The following NKAIN2 variants were observed in gnomAD, a reference collection of about 807,000 sequenced individuals.
The protein encoded by NKAIN2 is sodium/potassium transporting ATPase interacting 2, also known as sodium/potassium-transporting ATPase subunit beta-1-interacting protein 2.
In NKAIN2, 14 loss-of-function variants were observed where a neutral mutation model predicts 32.6. That is an observed-to-expected ratio of 0.43 (90% CI 0.28 to 0.67). The LOEUF (loss-of-function observed/expected upper bound fraction) is 0.67, where lower values mean the gene tolerates loss of function less well. Ranked by LOEUF, NKAIN2 falls within the 30% of genes least tolerant of loss-of-function variation. The pLI, the probability that NKAIN2 is intolerant of heterozygous loss-of-function variation, is 0.17. For synonymous variants in NKAIN2, 80 were observed against 87.2 expected (o/e 0.92, Z 0.46); for missense variants, 198 against 258.3 (o/e 0.77, Z 1.60).
intron 1 of NKAIN2, among the ~76,000 whole-genome samples, chr6:123,993,874 A>G (rs953098877): frequency 1.3e-5 from 2 of 152,210 alleles, no homozygotes; most frequent in African/African-American, 4.8e-5. Context: ...TTTCCAATAG[A>G]ACCATGCTAC....
intron 1 of NKAIN2, among the ~76,000 whole-genome samples, chr6:124,220,667 G>T (rs1010459023): frequency 2.0e-5 from 3 of 151,288 alleles, no homozygotes; most frequent in Non-Finnish European, 2.9e-5. Context: ...TTGATAAATT[G>T]TTTTCTAATA....
intron 1 of NKAIN2, among the ~76,000 whole-genome samples, chr6:124,043,046 T>C (rs952598127): frequency 3.3e-5 from 5 of 152,086 alleles, no homozygotes; most frequent in African/African-American, 1.2e-4. Flanking sequence ...TGTTTTTCTC[T>C]TATTCCTAAT....
chr6:124,805,689 A>ATTC (rs764516602), intron 5 of NKAIN2, among the ~76,000 whole-genome samples: 2 of 151,532 alleles, frequency 1.3e-5, no homozygotes, highest in African/African-American at 2.4e-5. Context: ...TGATCAAACT[A>ATTC]CGAGCTACAG....
chr6:124,185,299 T>A (rs922080954), intron 1 of NKAIN2, among the ~76,000 whole-genome samples: 2 of 152,164 alleles, frequency 1.3e-5, no homozygotes, highest in Non-Finnish European at 1.5e-5. Context: ...AATTTTCACC[T>A]AATGCGGTTT....
chr6:124,661,143 G>A (rs1224052111), intron 4 of NKAIN2, among the ~76,000 whole-genome samples: 1 of 152,198 alleles, frequency 6.6e-6, no homozygotes, highest in Non-Finnish European at 1.5e-5. Context: ...GTTCCCCAAA[G>A]CACAAACGAG....
intron 3 of NKAIN2, among the ~76,000 whole-genome samples, chr6:124,540,456 G>A (rs146114996): frequency 2.0e-4 from 31 of 152,292 alleles, no homozygotes; most frequent in African/African-American, 7.5e-4. Context: ...TTGCGTATCT[G>A]TAATGATCTA....
At chr6:124,582,650 C>T (rs1159791453) in intron 3 of NKAIN2, among the ~76,000 whole-genome samples, 1 of 151,718 alleles carries the variant, frequency 6.6e-6, no homozygotes, top group African/African-American at 2.4e-5. Flanking sequence ...CAGACATGGG[C>T]ACATTAAAAA....
chr6:124,630,219 T>C (rs1248842083), intron 3 of NKAIN2, among the ~76,000 whole-genome samples: 1 of 152,096 alleles, frequency 6.6e-6, no homozygotes, highest in Non-Finnish European at 1.5e-5. Flanking sequence ...AATACTGTGA[T>C]AAAGTTATAA....
intron 3 of NKAIN2, among the ~76,000 whole-genome samples, chr6:124,403,155 G>A (rs1773700946): frequency 6.6e-6 from 1 of 151,800 alleles, no homozygotes; most frequent in Non-Finnish European, 1.5e-5. Flanking sequence ...TGTCTCCTTA[G>A]GTAATATTTC....
At chr6:124,036,760 A>G (rs1416274699) in intron 1 of NKAIN2, among the ~76,000 whole-genome samples, 2 of 152,104 alleles carry the variant, frequency 1.3e-5, no homozygotes, top group East Asian at 1.9e-4. Flanking sequence ...TTTCTTTTCT[A>G]CTTCAGAAGT....
intron 3 of NKAIN2, among the ~76,000 whole-genome samples, chr6:124,419,291 A>G (rs1774640228): frequency 6.6e-6 from 1 of 152,170 alleles, no homozygotes; most frequent in Non-Finnish European, 1.5e-5. Flanking sequence ...GTCTAGAAGC[A>G]CTGCTGGTGA....
chr6:124,029,310 A>G (rs934504110), intron 1 of NKAIN2, among the ~76,000 whole-genome samples: 2 of 152,002 alleles, frequency 1.3e-5, no homozygotes, highest in Non-Finnish European at 2.9e-5. Context: ...TTAAAAGTCA[A>G]TAATCATATT....
chr6:124,561,469 GA>G (rs1247813614), intron 3 of NKAIN2, among the ~76,000 whole-genome samples: 2 of 152,110 alleles, frequency 1.3e-5, no homozygotes, highest in Admixed American at 6.5e-5. Context: ...TGGTCTGTGG[GA>G]AAAAATATTT....
intron 2 of NKAIN2, among the ~76,000 whole-genome samples, chr6:124,331,298 G>A (rs1016200484): frequency 3.2e-5 from 4 of 124,544 alleles, no homozygotes; most frequent in East Asian, 2.6e-4. Context: ...TCAGGAGATC[G>A]AGACCATCCT....
At chr6:124,070,770 T>C (rs1783422698) in intron 1 of NKAIN2, among the ~76,000 whole-genome samples, 2 of 152,082 alleles carry the variant, frequency 1.3e-5, no homozygotes, top group South Asian at 4.1e-4. Context: ...CCAAAATTCA[T>C]ATGGAACCAA....
chr6:124,253,791 T>C (rs1793794747), intron 1 of NKAIN2, among the ~76,000 whole-genome samples: 1 of 151,976 alleles, frequency 6.6e-6, no homozygotes, highest in Non-Finnish European at 1.5e-5. Flanking sequence ...TTTTGTATCA[T>C]CTTCTCTATA....
intron 1 of NKAIN2, among the ~76,000 whole-genome samples, chr6:124,192,406 C>T (rs1425737490): frequency 4.6e-5 from 7 of 152,044 alleles, no homozygotes; most frequent in Non-Finnish European, 8.8e-5. Flanking sequence ...TTTCTAAATA[C>T]TTTACTGATA....
chr6:124,183,622 T>C (rs1029838588), intron 1 of NKAIN2, among the ~76,000 whole-genome samples: 1 of 152,162 alleles, frequency 6.6e-6, no homozygotes, highest in African/African-American at 2.4e-5. Flanking sequence ...ACACTCTTTT[T>C]TCTTCAACAA....
intron 3 of NKAIN2, among the ~76,000 whole-genome samples, chr6:124,641,161 C>T (rs1007644649): frequency 1.3e-5 from 2 of 152,162 alleles, no homozygotes; most frequent in African/African-American, 4.8e-5. Flanking sequence ...TGGAATTAAT[C>T]AGGAAAAGCT....
Sources: gnomAD v4.1 joint callset for allele counts (sites outside exome capture counted in the v4.1 genomes callset) on GRCh38, gnomAD v4.1.1 for gene constraint, MANE v1.5 for transcripts, NCBI Gene and HGNC (gene_info 2026-07-23, HGNC 2026-07-21) for gene names.